HPSE2: variants seen among roughly 807,000 people sequenced by gnomAD.
The protein encoded by HPSE2 is heparanase 2 (inactive), also known as inactive heparanase-2.
In HPSE2, 38 loss-of-function variants were observed where a neutral mutation model predicts 60.5. That is an observed-to-expected ratio of 0.63 (90% CI 0.48 to 0.82). The LOEUF (loss-of-function observed/expected upper bound fraction) is 0.82. HPSE2 is among the 40% of genes least tolerant of loss of function. The pLI, the probability that HPSE2 is intolerant of heterozygous loss-of-function variation, is 0.00. For missense variants in HPSE2, 713 were observed against 740.4 expected (o/e 0.96, Z 0.43); for synonymous variants, 295 against 293.2 (o/e 1.01, Z -0.06).
At chr10:98,750,444 C>A (rs1949733315) in intron 3 of HPSE2, among the ~76,000 whole-genome samples, 1 of 152,164 alleles carries the variant, frequency 6.6e-6, no homozygotes, top group African/African-American at 2.4e-5. Flanking sequence ...GAAATCATCA[C>A]TCTGGCTGCT....
chr10:99,029,399 G>A (rs1589542981), intron 3 of HPSE2, among the ~76,000 whole-genome samples: 1 of 152,340 alleles, frequency 6.6e-6, no homozygotes, highest in Non-Finnish European at 1.5e-5. Context: ...TAAAAGAAAA[G>A]CCAGCTGGGC....
chr10:98,883,330 G>A (rs1953078277), intron 3 of HPSE2, among the ~76,000 whole-genome samples: 1 of 152,088 alleles, frequency 6.6e-6, no homozygotes, highest in South Asian at 2.1e-4. Context: ...GGAAAATATG[G>A]TTAGCTTGAA....
intron 9 of HPSE2, among the ~76,000 whole-genome samples, chr10:98,545,032 G>A (rs535312767): frequency 1.1e-4 from 17 of 152,226 alleles, no homozygotes; most frequent in Admixed American, 4.6e-4. Flanking sequence ...ACACCTCTAC[G>A]CAAATAAACT....
chr10:98,738,450 T>G (rs976849075), intron 4 of HPSE2, among the ~76,000 whole-genome samples: 7 of 151,996 alleles, frequency 4.6e-5, no homozygotes, highest in African/African-American at 1.4e-4. Context: ...CAAAATCAAT[T>G]GCAACAAAAG....
intron 7 of HPSE2, among the ~76,000 whole-genome samples, chr10:98,636,107 T>C (rs927367386): frequency 6.6e-6 from 1 of 152,186 alleles, no homozygotes; most frequent in Non-Finnish European, 1.5e-5. Context: ...TTCTAGTGTA[T>C]GATAGCACTG....
At position 99,003,302 on chromosome 10, in the gene HPSE2, G is replaced by A. The variant is rs141985681; in HGVS notation, c.610+140936C>T. On this transcript the variant is annotated intron_variant, in intron 3 of 11. Transcript: ENST00000370552. ...ATATATGGCTATTATGAATAATGCT[G>A]CAATGAACATTTCAGTGCAGATATG... Among the ~76,000 whole-genome samples the A allele has an allele frequency of 1.1e-4, 17 of 152,116 alleles. No homozygotes were observed. In the East Asian group the frequency reaches 3.3e-3, roughly 29 times the overall value.
chr10:98,637,414 C>T (rs1448200710), intron 7 of HPSE2, among the ~76,000 whole-genome samples: 2 of 152,100 alleles, frequency 1.3e-5, no homozygotes, highest in Non-Finnish European at 2.9e-5. Context: ...TTAAAAATAG[C>T]TATAATAACT....
chr10:99,115,153 G>A (rs543639034), intron 3 of HPSE2, among the ~76,000 whole-genome samples: 3 of 103,452 alleles, frequency 2.9e-5, no homozygotes, highest in Admixed American at 9.8e-5. Context: ...CCAGCTAAAT[G>A]TGTTTTTTTT....
Position 98,578,008 on chromosome 10 carries a change from T to C in HPSE2, c.1320+36896A>G, listed in dbSNP as rs74154305. On this transcript the variant is annotated intron_variant, in intron 9 of 11. Coordinates refer to ENST00000370552, the MANE Select transcript of HPSE2 (RefSeq NM_021828.5). ...ATCTGCCTTATTATTAACCCTGCTA[T>C]TTGTTTCTATCTGTCCTTGACATTT... is the stretch of plus-strand genomic sequence containing the variant. 6.6e-3 allele frequency among the ~76,000 whole-genome samples: 1,007 copies of C among 152,308 alleles called. 12 individuals are homozygous for C. Among genetic ancestry groups the C allele is most frequent in the African/African-American group, 0.02 (820 of 41,560 alleles).
At chr10:98,872,550 C>A (rs1289773032) in intron 3 of HPSE2, among the ~76,000 whole-genome samples, 1 of 151,964 alleles carries the variant, frequency 6.6e-6, no homozygotes. Flanking sequence ...TTTACTTCAC[C>A]TAGGGTAAAA....
chr10:98,582,102 A>G (rs991766861), intron 9 of HPSE2, among the ~76,000 whole-genome samples: 2 of 152,196 alleles, frequency 1.3e-5, no homozygotes, highest in East Asian at 3.9e-4. Flanking sequence ...GAGGGTTCGA[A>G]ATAAACCATG....
chr10:99,116,142 G>A (rs991913254), intron 3 of HPSE2, among the ~76,000 whole-genome samples: 4 of 151,698 alleles, frequency 2.6e-5, no homozygotes, highest in Admixed American at 1.3e-4. Flanking sequence ...TTATTTCCCA[G>A]GGGACTGAGT....
chr10:98,496,104 G>A (rs1207418022), intron 9 of HPSE2, among the ~76,000 whole-genome samples: 4 of 151,782 alleles, frequency 2.6e-5, no homozygotes, highest in African/African-American at 9.7e-5. Flanking sequence ...ATTATTGTAG[G>A]CTGCCTCTGT....
At chr10:99,214,639 C>T (rs1295803790) in intron 2 of HPSE2, among the ~76,000 whole-genome samples, 1 of 152,052 alleles carries the variant, frequency 6.6e-6, no homozygotes, top group Non-Finnish European at 1.5e-5. Context: ...AAGAAACTAT[C>T]ATCAGGGTGA....
At chr10:98,641,111 A>G (rs184267112) in intron 7 of HPSE2, among the ~76,000 whole-genome samples, 68 of 152,332 alleles carry the variant, frequency 4.5e-4, no homozygotes, top group African/African-American at 1.6e-3. Context: ...ACCTAGGAAC[A>G]GTGTAAATAT....
chr10:98,655,277 ACTCT>A lies in HPSE2; in HGVS notation c.1005-13341_1005-13338del, dbSNP rs373403905. ...CTATGGTCATATTTCACAATGATTT[ACTCT>A]CTCTCTCTGACACAGTTACTAGGAA... On this transcript the variant is annotated intron_variant, in intron 6 of 11. Transcript: ENST00000370552. Among the ~76,000 whole-genome samples, 229 of 150,394 alleles carry A rather than the reference ACTCT, an allele frequency of 1.5e-3. 3 individuals are homozygous for A. Among genetic ancestry groups the A allele is most frequent in the African/African-American group, 5.3e-3 (218 of 40,972 alleles).
intron 3 of HPSE2, among the ~76,000 whole-genome samples, chr10:98,979,000 T>C (rs1371838575): frequency 6.6e-6 from 1 of 152,208 alleles, no homozygotes; most frequent in African/African-American, 2.4e-5. Flanking sequence ...CACGTGTTCT[T>C]TTCTTGGCCT....
chr10:98,889,449 C>T (rs867021960), intron 3 of HPSE2, among the ~76,000 whole-genome samples: 30 of 151,464 alleles, frequency 2.0e-4, no homozygotes, highest in African/African-American at 7.0e-4. Flanking sequence ...CTCAAGCTGT[C>T]TGCCTGCCTT....
chr10:98,576,550 G>C (rs951131514), intron 9 of HPSE2, among the ~76,000 whole-genome samples: 1 of 152,122 alleles, frequency 6.6e-6, no homozygotes, highest in African/African-American at 2.4e-5. Context: ...CAGAGAGGGA[G>C]GTGGGGGACA....
Sources: gnomAD v4.1 joint callset for allele counts (sites outside exome capture counted in the v4.1 genomes callset) on GRCh38, gnomAD v4.1.1 for gene constraint, MANE v1.5 for transcripts, NCBI Gene and HGNC (gene_info 2026-07-23, HGNC 2026-07-21) for gene names.